Variants in STAG3 observed in about 807,000 individuals in gnomAD.
STAG3 encodes cohesin subunit SA-3.
A neutral mutation model predicts 160.7 loss-of-function variants in STAG3; 101 were observed. The ratio of observed to expected loss-of-function variants is 0.63; its 90% CI spans 0.54 to 0.74. The LOEUF (loss-of-function observed/expected upper bound fraction) is 0.74. STAG3 is among the 30% of genes least tolerant of loss of function. STAG3 has a pLI of 0.00. For missense variants in STAG3, 1,188 were observed against 1,517.4 expected (o/e 0.78, Z 3.61); for synonymous variants, 519 against 585.0 (o/e 0.89, Z 1.63).
Position 100,211,134 on chromosome 7 carries a change from G to A in STAG3, c.3362G>A (p.Gly1121Glu). 1 of 1,607,282 alleles carries A rather than the reference G, an allele frequency of 6.2e-7. No homozygotes were observed. The highest frequency in any genetic ancestry group is 2.2e-5 in the East Asian group (1 of 44,804). The change falls in exon 30 of 34, where the codon GGG becomes GAG. Residue 1121 changes from glycine to glutamate, a missense_variant. This residue lies in a region of STAG3 where 647 missense variants were observed against 717.2 expected (regional missense o/e 0.90). Coordinates refer to ENST00000615138, the MANE Select transcript of STAG3 (RefSeq NM_001282717.2). ...GTGAAGAGCAGGCAGCCCCTGTGGGGGTTGAAAGAGATGGAGGAAGAAGAT... is the reference window on the plus strand; with the variant it reads ...GTGAAGAGCAGGCAGCCCCTGTGGGAGTTGAAAGAGATGGAGGAAGAAGAT... ...TAVKSRQPLW[G>E]LKEMEEEDGS...
chr7:100,211,918 C>T, intron 32 of STAG3, 42 bp downstream of exon 32: 2 of 1,587,558 alleles, frequency 1.3e-6, no homozygotes, highest in Non-Finnish European at 1.7e-6. Context: ...GAACTAGGGG[C>T]TGATGTGCCA....
At position 100,214,081 on chromosome 7, in the gene STAG3, A is replaced by G; in HGVS notation, c.*66A>G. ...AGAATGTGACCATTTGGAAAAGGCAAAGAGAAAAGGAGCAAAATGAAGCAT... is the reference window on the plus strand; with the variant it reads ...AGAATGTGACCATTTGGAAAAGGCAGAGAGAAAAGGAGCAAAATGAAGCAT... On this transcript the variant is annotated 3_prime_UTR_variant, in exon 34 of 34. Transcript: ENST00000615138. 4 of 1,593,726 alleles carry G rather than the reference A, an allele frequency of 2.5e-6. No homozygotes were observed. The highest frequency in any genetic ancestry group is 3.4e-6 in the Non-Finnish European group (4 of 1,163,780).
At chr7:100,184,266 A>C (rs1318362830) in intron 4 of STAG3, among the ~76,000 whole-genome samples, 6 of 143,858 alleles carry the variant, frequency 4.2e-5, no homozygotes, top group African/African-American at 1.5e-4. Context: ...ACTCTGTCTC[A>C]AAAAAAAAAA....
Position 100,214,297 on chromosome 7 carries a change from GC to G in STAG3, c.*285del, listed in dbSNP as rs1293586532. ...AGCACCTCTGTGTTTAATGGAAATA[GC>G]CCATAGTCTCCTGGATTTTTGGAAC... On this transcript the variant is annotated 3_prime_UTR_variant, in exon 34 of 34. Transcript: ENST00000615138. 1 of 484,806 alleles carries G rather than the reference GC, an allele frequency of 2.1e-6. No individual in the cohort carries two copies. The highest frequency in any genetic ancestry group is 3.6e-6 in the Non-Finnish European group (1 of 274,920). The allele number at this position is 484,806 out of a possible 1,614,324, so 30.0% of individuals were successfully genotyped here.
At chr7:100,215,734 T>C (rs536351303), downstream of STAG3, among the ~76,000 whole-genome samples, 2 of 152,266 alleles carry the variant, frequency 1.3e-5, no homozygotes, top group Admixed American at 1.3e-4. Context: ...ATCTGGGAGC[T>C]TGACACCATG....
chr7:100,214,420 G>C (rs1197453743), downstream of STAG3: 1 of 242,990 alleles, frequency 4.1e-6, no homozygotes, highest in Non-Finnish European at 8.0e-6. Flanking sequence ...TTAAACTGAT[G>C]GAGGTCAGGT....
At chr7:100,214,672 C>T (rs545568586), downstream of STAG3, among the ~76,000 whole-genome samples, 275 of 152,166 alleles carry the variant, frequency 1.8e-3, 2 homozygotes, top group African/African-American at 6.5e-3. Flanking sequence ...CTGTCTCACC[C>T]ATGTGAGCCA....
Position 100,200,488 on chromosome 7 carries a change from C to A in STAG3, c.1806C>A (p.Leu602=). 1 of 1,614,116 alleles carries A rather than the reference C, an allele frequency of 6.2e-7. No individual in the cohort carries two copies. The highest frequency in any genetic ancestry group is 1.1e-5 in the South Asian group (1 of 91,074). The part of the protein sequence containing the change: ...SADAEKVTPL[L]QLLSCFDLHI... ...ATGCAGAGAAGGTCACTCCCCTGCT[C>A]CAGCTTCTCAGCTGCTTTGACCTCC... The change falls in exon 18 of 34, where the codon CTC becomes CTA. Residue 602 remains leucine (L), a synonymous_variant. Coordinates refer to ENST00000615138, the MANE Select transcript of STAG3 (RefSeq NM_001282717.2).
At position 100,200,670 on chromosome 7, in the gene STAG3, T is replaced by C. The variant is rs1562986022; in HGVS notation, c.1861-99T>C. ...AGCAAGCCTTTTCTTAGGCATCTTA[T>C]CCTTGAAGTTTAATGCTTTTAACCC... is the stretch of plus-strand genomic sequence containing the variant. On this transcript the variant is annotated intron_variant, in intron 18 of 33. Coordinates refer to ENST00000615138, the MANE Select transcript of STAG3 (RefSeq NM_001282717.2). 10 of 1,537,802 alleles carry C rather than the reference T, an allele frequency of 6.5e-6. No individual in the cohort carries two copies. The South Asian group carries it at 1.2e-4, about 18-fold the overall frequency.
intron 4 of STAG3, 139 bp downstream of exon 4, chr7:100,182,978 T>C: frequency 1.0e-6 from 1 of 989,460 alleles, no homozygotes; most frequent in Non-Finnish European, 1.6e-6. Flanking sequence ...GGGTGAATCC[T>C]TGGAGTGATA....
intron 21 of STAG3, 179 bp downstream of exon 21, chr7:100,201,530 G>A: frequency 1.6e-6 from 1 of 642,610 alleles, no homozygotes; most frequent in Non-Finnish European, 2.7e-6. Context: ...CTACTTCCAG[G>A]GTCTTCTTGG....
Position 100,211,410 on chromosome 7 carries a change from A to G in STAG3, c.3414-25A>G, listed in dbSNP as rs532260477. 21 of 1,609,086 alleles carry G rather than the reference A, an allele frequency of 1.3e-5. 2 individuals carry two copies. The highest frequency in any genetic ancestry group is 1.1e-4 in the East Asian group (5 of 44,838). ...TCTTCTTACCCTTGATTTTTATCCC[A>G]TCATTGATCCTGCTTCATTCCCAGC... On this transcript the variant is annotated intron_variant, in intron 30 of 33. Coordinates refer to ENST00000615138, the MANE Select transcript of STAG3 (RefSeq NM_001282717.2).
chr7:100,214,611 TAA>T (rs1483503273), downstream of STAG3, among the ~76,000 whole-genome samples: 2 of 151,976 alleles, frequency 1.3e-5, no homozygotes, highest in African/African-American at 4.8e-5. Context: ...TCTGCAGTAG[TAA>T]AAGTTGTGCT....
chr7:100,203,715 C>G (rs1373012417), intron 25 of STAG3, among the ~76,000 whole-genome samples: 1 of 151,708 alleles, frequency 6.6e-6, no homozygotes, highest in African/African-American at 2.4e-5. Context: ...GGGGTTTCAC[C>G]GTATTAGCCA....
downstream of STAG3, chr7:100,218,533 TGCAC>T: frequency 3.4e-6 from 1 of 297,100 alleles, no homozygotes; most frequent in Non-Finnish European, 6.6e-6. Flanking sequence ...TTTTTTAACT[TGCAC>T]TGTGGCCATG....
rs951916808 is a variant in STAG3 at position 100,189,312 on chromosome 7, T to C, written c.716-133T>C. The C allele has an allele frequency of 7.6e-6, 8 of 1,057,886 alleles. No homozygotes were observed. In the African/African-American group the frequency reaches 1.1e-4, roughly 15 times the overall value. The allele number at this position is 1,057,886 out of a possible 1,614,324, so 65.5% of individuals were successfully genotyped here. A position where few individuals can be genotyped will look rare whatever the true frequency, so the allele number is the denominator to read the frequency against. On this transcript the variant is annotated intron_variant, in intron 7 of 33. Transcript: ENST00000615138. ...ACAGTCCACTCCAGGACAGGCCGTC[T>C]TAGGATTTTAGGGTCATCCTGCTCT...
In STAG3 at chr7:100,213,622, C is replaced by A. The variant is rs962805298; in HGVS notation, c.3601-113C>A. On this transcript the variant is annotated intron_variant, in intron 32 of 33. Coordinates refer to ENST00000615138, the MANE Select transcript of STAG3 (RefSeq NM_001282717.2). ...TCCCTCCCAGGAGGTGCCATAGGGG[C>A]CTGCTGTGCCCATATTTGTTCTTAT... The A allele has an allele frequency of 3.2e-6, 5 of 1,556,034 alleles. No homozygotes were observed. In the Admixed American group the frequency reaches 9.4e-5, roughly 29 times the overall value.
rs201972959 is a variant in STAG3 at position 100,189,471 on chromosome 7, A to G, written c.742A>G (p.Lys248Glu). 6.2e-7 allele frequency: 1 copy of G among 1,613,568 alleles called. No individual in the cohort carries two copies. The change falls in exon 8 of 34, where the codon AAA becomes GAA. Residue 248 changes from lysine (K) to glutamate (E), a missense_variant. This residue lies in a region of STAG3 where 296 missense variants were observed against 404.0 expected (regional missense o/e 0.73). Transcript: ENST00000615138. ...AAMKLMTSLV[K>E]VALQLSVHQD... ...TATGAAACTGATGACCTCCCTGGTAAAAGTTGCCCTCCAACTGAGTGTGCA... is the reference window on the plus strand; with the variant it reads ...TATGAAACTGATGACCTCCCTGGTAGAAGTTGCCCTCCAACTGAGTGTGCA...
At chr7:100,201,764 T>C (rs767509155) in intron 21 of STAG3, 22 bp from the exon 22 acceptor site, 6 of 1,612,890 alleles carry the variant, frequency 3.7e-6, no homozygotes, top group Non-Finnish European at 5.1e-6. Flanking sequence ...AACCTCATTT[T>C]TCAAACCCTT....
Sources: gnomAD v4.1 joint callset for allele counts (sites outside exome capture counted in the v4.1 genomes callset) on GRCh38, gnomAD v4.1.1 for gene constraint, gnomAD v4.1.1 regional missense constraint, MANE v1.5 for transcripts, NCBI Gene and HGNC (gene_info 2026-07-23, HGNC 2026-07-21) for gene names.